The following ZNF804A variants were observed in gnomAD, a reference collection of about 807,000 sequenced individuals.
ZNF804A encodes zinc finger protein 804A.
A neutral mutation model predicts 16.5 loss-of-function variants in ZNF804A; 2 were observed. That is an observed-to-expected ratio of 0.12 (90% CI 0.05 to 0.38). The LOEUF is 0.38. Among genes scored for constraint, ZNF804A ranks in the 10% least tolerant of loss-of-function variants. The pLI is 0.99. For missense variants in ZNF804A, 1,473 were observed against 1,390.7 expected (o/e 1.06, Z -0.94); for synonymous variants, 534 against 489.6 (o/e 1.09, Z -1.20).
intron 1 of ZNF804A, among the ~76,000 whole-genome samples, chr2:184,810,122 T>C (rs1694868988): frequency 6.6e-6 from 1 of 152,218 alleles, no homozygotes; most frequent in Admixed American, 6.5e-5. Context: ...AAGTAAGTTT[T>C]ATTAAAGCAC....
intron 1 of ZNF804A, among the ~76,000 whole-genome samples, chr2:184,834,770 T>C (rs1370267625): frequency 6.6e-6 from 1 of 152,170 alleles, no homozygotes; most frequent in Non-Finnish European, 1.5e-5. Flanking sequence ...TTTGTGTATT[T>C]TACATTCCTG....
Position 184,866,499 on chromosome 2 carries a change from A to G in ZNF804A, c.242A>G (p.His81Arg), listed in dbSNP as rs199617974. 1 of 1,607,522 alleles carries G rather than the reference A, an allele frequency of 6.2e-7. No homozygotes were observed. The highest frequency in any genetic ancestry group is 1.3e-5 in the African/African-American group (1 of 74,570). The stretch of plus-strand genomic sequence containing the variant: ...GACAATCACATTAATTCATATGACC[A>G]TGCTCACAAGCAGGTAAGAAAGAGA... The part of the protein sequence containing the change: ...EFDNHINSYD[H>R]AHKQRLKELK... The change falls in exon 2 of 4, where the codon CAT becomes CGT. Residue 81 changes from histidine (H) to arginine (R), a missense_variant. By Grantham distance (29) the His-to-Arg change is conservative. Transcript: ENST00000302277.
At chr2:184,640,952 A>T (rs1574143071) in intron 1 of ZNF804A, among the ~76,000 whole-genome samples, 1 of 151,996 alleles carries the variant, frequency 6.6e-6, no homozygotes, top group East Asian at 1.9e-4. Context: ...CTTTTTTAAA[A>T]TTTTTTATTT....
chr2:184,746,933 A>G (rs1693797212), intron 1 of ZNF804A, among the ~76,000 whole-genome samples: 1 of 151,442 alleles, frequency 6.6e-6, no homozygotes, highest in Admixed American at 6.6e-5. Context: ...TGAGAAATCA[A>G]ACTGAGAGAG....
chr2:184,728,639 G>A (rs972747007), intron 1 of ZNF804A, among the ~76,000 whole-genome samples: 2 of 151,790 alleles, frequency 1.3e-5, no homozygotes, highest in Non-Finnish European at 2.9e-5. Flanking sequence ...GTGGATAACT[G>A]TTATAATTCT....
At chr2:184,678,411 G>T (rs1277456239) in intron 1 of ZNF804A, among the ~76,000 whole-genome samples, 1 of 152,030 alleles carries the variant, frequency 6.6e-6, no homozygotes, top group Non-Finnish European at 1.5e-5. Context: ...TTTATATCAA[G>T]TCTATTTCCT....
At chr2:184,720,984 T>C (rs188690797) in intron 1 of ZNF804A, among the ~76,000 whole-genome samples, 3 of 152,260 alleles carry the variant, frequency 2.0e-5, no homozygotes, top group South Asian at 2.1e-4. Flanking sequence ...GCCAAGAACA[T>C]ACACTGAGGA....
intron 1 of ZNF804A, among the ~76,000 whole-genome samples, chr2:184,654,866 C>T (rs1041264663): frequency 1.3e-5 from 2 of 152,256 alleles, no homozygotes; most frequent in African/African-American, 4.8e-5. Flanking sequence ...ATTCCATTGG[C>T]TATAAGGATC....
intron 1 of ZNF804A, among the ~76,000 whole-genome samples, chr2:184,605,291 G>C (rs995379667): frequency 6.6e-6 from 1 of 151,980 alleles, no homozygotes; most frequent in African/African-American, 2.4e-5. Flanking sequence ...ACTTATATCT[G>C]TTTATCACAT....
At chr2:184,643,329 A>G (rs1399408928) in intron 1 of ZNF804A, among the ~76,000 whole-genome samples, 1 of 151,972 alleles carries the variant, frequency 6.6e-6, no homozygotes, top group African/African-American at 2.4e-5. Flanking sequence ...ACATTTTTGA[A>G]CCTTGGATTT....
At chr2:184,697,454 G>A (rs562109278) in intron 1 of ZNF804A, among the ~76,000 whole-genome samples, 148 of 152,092 alleles carry the variant, frequency 9.7e-4, no homozygotes, top group African/African-American at 3.5e-3. Flanking sequence ...TTAAATGCTA[G>A]AAAATCTGAA....
chr2:184,601,673 C>A (rs1421235144), intron 1 of ZNF804A, among the ~76,000 whole-genome samples: 1 of 151,632 alleles, frequency 6.6e-6, no homozygotes, highest in Admixed American at 6.6e-5. Flanking sequence ...TGAATTTTGC[C>A]ATTAAAAATC....
At chr2:184,911,030 TTA>T (rs2105831815) in intron 2 of ZNF804A, among the ~76,000 whole-genome samples, 1 of 152,206 alleles carries the variant, frequency 6.6e-6, no homozygotes, top group South Asian at 2.1e-4. Context: ...TTTTGAGGAC[TTA>T]GTCATAAATT....
chr2:184,612,978 A>G (rs965071683), intron 1 of ZNF804A, among the ~76,000 whole-genome samples: 4 of 152,258 alleles, frequency 2.6e-5, no homozygotes, highest in Admixed American at 2.6e-4. Context: ...AAAGTAAGAA[A>G]CATTTGGAGA....
chr2:184,768,273 G>A (rs1694160548), intron 1 of ZNF804A, among the ~76,000 whole-genome samples: 2 of 151,874 alleles, frequency 1.3e-5, no homozygotes, highest in South Asian at 4.2e-4. Context: ...TTTATATAAG[G>A]GACTTAGCAT....
intron 1 of ZNF804A, among the ~76,000 whole-genome samples, chr2:184,703,940 T>C (rs941449250): frequency 7.9e-5 from 12 of 152,086 alleles, no homozygotes; most frequent in African/African-American, 2.7e-4. Flanking sequence ...CATAGGACTA[T>C]ACTTTTTTCA....
rs544337165 is a variant in ZNF804A, at chr2:184,663,355, G to T, written c.111+64285G>T. Among the ~76,000 whole-genome samples, 3 of 152,232 alleles carry T rather than the reference G, an allele frequency of 2.0e-5. No individual in the cohort carries two copies. In the South Asian group the frequency reaches 6.2e-4, roughly 32 times the overall value. On this transcript the variant is annotated intron_variant, in intron 1 of 3. Coordinates refer to ENST00000302277, the MANE Select transcript of ZNF804A (RefSeq NM_194250.2). The stretch of plus-strand genomic sequence containing the variant: ...TGGCTGGGTATGCACGTGCCGGGTG[G>T]TGCTGATATGCCATTCCCTTGCCAC...
intron 1 of ZNF804A, among the ~76,000 whole-genome samples, chr2:184,727,543 T>C (rs1693432868): frequency 6.6e-6 from 1 of 151,716 alleles, no homozygotes; most frequent in South Asian, 2.1e-4. Context: ...CATTTGATTT[T>C]ATATTTTTCT....
intron 1 of ZNF804A, among the ~76,000 whole-genome samples, chr2:184,724,457 A>G (rs1333815949): frequency 7.7e-6 from 1 of 130,242 alleles, no homozygotes; most frequent in Non-Finnish European, 1.6e-5. Flanking sequence ...AAATGAAGAC[A>G]GGCAAAGAAT....
Sources: gnomAD v4.1 joint callset for allele counts (sites outside exome capture counted in the v4.1 genomes callset) on GRCh38, gnomAD v4.1.1 for gene constraint, MANE v1.5 for transcripts, NCBI Gene and HGNC (gene_info 2026-07-23, HGNC 2026-07-21) for gene names.